The following TNFRSF21 variants were observed in gnomAD, a reference collection of about 807,000 sequenced individuals.
TNFRSF21 encodes TNF receptor superfamily member 21.
TNFRSF21 carries 19 observed loss-of-function variants against 45.6 expected under a neutral mutation model. The observed-to-expected ratio is 0.42, with a 90% CI of 0.29 to 0.61. The LOEUF is 0.61. TNFRSF21 is among the 20% of genes least tolerant of loss of function. The pLI is 0.23. For missense variants in TNFRSF21, 737 were observed against 851.5 expected (o/e 0.87, Z 1.67); for synonymous variants, 314 against 335.5 (o/e 0.94, Z 0.70).
chr6:47,309,455 G>A lies in TNFRSF21; in HGVS notation c.57C>T (p.Arg19=), dbSNP rs995436200. 4 of 1,535,080 alleles carry A rather than the reference G, an allele frequency of 2.6e-6. No individual in the cohort carries two copies. The African/African-American group carries it at 4.3e-5, about 16-fold the overall frequency. The change falls in exon 1 of 6, where the codon CGC becomes CGT. Residue 19 remains arginine, a synonymous_variant. Transcript: ENST00000296861. ...TALASCSRIA[R]RATATMIAGS... is the part of the protein sequence containing the mutation. ...CCGCGATCATCGTGGCTGTGGCTCGGCGGGCGATGCGGCTGCAGGAGGCGA... is the reference window on the plus strand; with the variant it reads ...CCGCGATCATCGTGGCTGTGGCTCGACGGGCGATGCGGCTGCAGGAGGCGA...
At chr6:47,294,734 T>G (rs1762772375) in intron 1 of TNFRSF21, among the ~76,000 whole-genome samples, 1 of 152,146 alleles carries the variant, frequency 6.6e-6, no homozygotes, top group Admixed American at 6.5e-5. Context: ...TCTCACTATG[T>G]TGCCCAGGCT....
At chr6:47,286,655 A>G in intron 1 of TNFRSF21, 60 bp from the exon 2 acceptor site, 3 of 1,517,644 alleles carry the variant, frequency 2.0e-6, no homozygotes, top group Non-Finnish European at 1.8e-6. Flanking sequence ...ACATAGGAGC[A>G]GAGCAGAAAA....
Position 47,309,786 on chromosome 6 carries a change from C to T in TNFRSF21, c.-275G>A. 1 of 380,418 alleles carries T rather than the reference C, an allele frequency of 2.6e-6. No homozygotes were observed. Among genetic ancestry groups the T allele is most frequent in the Non-Finnish European group, 4.7e-6 (1 of 214,138 alleles). 23.6% of individuals were successfully genotyped at this position (380,418 alleles called of 1,614,324 possible). A position where few individuals can be genotyped will look rare whatever the true frequency, so the allele number is the denominator to read the frequency against. ...TCCGGGTGCTCTCCTCCGACAGCGGCTGAGGAGAACCAGGGAGGAGGACTG... is the reference window on the plus strand; with the variant it reads ...TCCGGGTGCTCTCCTCCGACAGCGGTTGAGGAGAACCAGGGAGGAGGACTG... On this transcript the variant is annotated 5_prime_UTR_variant, in exon 1 of 6. Coordinates refer to ENST00000296861, the MANE Select transcript of TNFRSF21 (RefSeq NM_014452.5).
At chr6:47,263,138 C>T (rs1429020851) in intron 3 of TNFRSF21, among the ~76,000 whole-genome samples, 1 of 152,046 alleles carries the variant, frequency 6.6e-6, no homozygotes, top group Non-Finnish European at 1.5e-5. Flanking sequence ...ACAGGATTTA[C>T]TAATGAGCCA....
At chr6:47,271,973 T>A (rs886317572) in intron 3 of TNFRSF21, among the ~76,000 whole-genome samples, 26 of 152,236 alleles carry the variant, frequency 1.7e-4, no homozygotes, top group African/African-American at 5.8e-4. Context: ...TAACTATCCT[T>A]AATATATATG....
chr6:47,268,109 C>A (rs1256567517), intron 3 of TNFRSF21, among the ~76,000 whole-genome samples: 1 of 152,218 alleles, frequency 6.6e-6, no homozygotes, highest in South Asian at 2.1e-4. Flanking sequence ...TAGTTCCCAG[C>A]TCAGGATCCA....
chr6:47,234,384 C>A (rs1163042841), intron 5 of TNFRSF21, among the ~76,000 whole-genome samples: 1 of 152,214 alleles, frequency 6.6e-6, no homozygotes, highest in Non-Finnish European at 1.5e-5. Context: ...TTTTATCAGG[C>A]CTTCCCCGAA....
At chr6:47,249,294 A>G (rs1199450736) in intron 4 of TNFRSF21, among the ~76,000 whole-genome samples, 1 of 152,258 alleles carries the variant, frequency 6.6e-6, no homozygotes, top group African/African-American at 2.4e-5. Flanking sequence ...GTTATGTCAT[A>G]TAGATTTAAA....
At chr6:47,265,253 A>G (rs1401061297) in intron 3 of TNFRSF21, among the ~76,000 whole-genome samples, 1 of 152,220 alleles carries the variant, frequency 6.6e-6, no homozygotes, top group Non-Finnish European at 1.5e-5. Context: ...AACAAGTAGG[A>G]TATCTGAGTG....
At position 47,286,553 on chromosome 6, in the gene TNFRSF21, C is replaced by T; in HGVS notation, c.139G>A (p.Ala47Thr). The T allele has an allele frequency of 6.2e-7, 1 of 1,611,300 alleles. No homozygotes were observed. ...STTTAQPEQK[A>T]SNLIGTYRHV... ...CGGTATGTGCCAATGAGATTCGAGGCCTTCTGTTCTGGCTGAGCTGTGGTG... is the reference window on the plus strand; with the variant it reads ...CGGTATGTGCCAATGAGATTCGAGGTCTTCTGTTCTGGCTGAGCTGTGGTG... The change falls in exon 2 of 6, where the codon GCC (alanine) becomes ACC (threonine). Residue 47 changes from alanine (A) to threonine (T), a missense_variant. Coordinates refer to ENST00000296861, the MANE Select transcript of TNFRSF21 (RefSeq NM_014452.5).
intron 4 of TNFRSF21, among the ~76,000 whole-genome samples, chr6:47,244,193 G>A (rs1008584042): frequency 2.6e-5 from 4 of 151,900 alleles, no homozygotes; most frequent in Non-Finnish European, 4.4e-5. Context: ...GCGTGGTGGC[G>A]GGGACCTGTA....
chr6:47,254,630 A>T (rs774111168), intron 3 of TNFRSF21, among the ~76,000 whole-genome samples: 5 of 152,196 alleles, frequency 3.3e-5, no homozygotes, highest in African/African-American at 4.8e-5. Flanking sequence ...CTTTATATCA[A>T]CTAACAGTGT....
intron 1 of TNFRSF21, among the ~76,000 whole-genome samples, chr6:47,288,490 G>C (rs1024008237): frequency 1.3e-5 from 2 of 151,680 alleles, no homozygotes; most frequent in East Asian, 3.9e-4. Context: ...ACAGATCGTT[G>C]AGCTGTACAC....
Position 47,232,960 on chromosome 6 carries a change from C to G in TNFRSF21, c.1773G>C (p.Leu591=). The change falls in exon 6 of 6, where the codon CTG becomes CTC. Residue 591 remains leucine (L), a synonymous_variant. Coordinates refer to ENST00000296861, the MANE Select transcript of TNFRSF21 (RefSeq NM_014452.5). ...KKDTVLRQVR[L]DPCDLQPIFD... is the part of the protein sequence containing the mutation. ...AGATAGGCTGCAAGTCACAGGGGTC[C>G]AGGCGTACCTGCCGCAACACTGTGT... The G allele has an allele frequency of 6.2e-7, 1 of 1,614,166 alleles. No individual in the cohort carries two copies.
At chr6:47,301,969 C>G (rs1762870133) in intron 1 of TNFRSF21, among the ~76,000 whole-genome samples, 1 of 152,202 alleles carries the variant, frequency 6.6e-6, no homozygotes. Context: ...ACCCCCACCT[C>G]TCCTAATCCT....
intron 3 of TNFRSF21, among the ~76,000 whole-genome samples, chr6:47,254,442 G>A (rs1283136384): frequency 1.3e-5 from 2 of 152,228 alleles, no homozygotes; most frequent in Admixed American, 6.5e-5. Flanking sequence ...AAGCTAAACT[G>A]TGGATAAGGG....
intron 3 of TNFRSF21, among the ~76,000 whole-genome samples, chr6:47,258,985 G>A (rs1765030367): frequency 6.6e-6 from 1 of 152,212 alleles, no homozygotes; most frequent in African/African-American, 2.4e-5. Context: ...CCCACGGGCT[G>A]TAGTTCACCA....
chr6:47,298,861 C>G (rs1762824099), intron 1 of TNFRSF21, among the ~76,000 whole-genome samples: 1 of 152,210 alleles, frequency 6.6e-6, no homozygotes, highest in Non-Finnish European at 1.5e-5. Context: ...TCAATATTAA[C>G]CTACTGAGGG....
Position 47,309,398 on chromosome 6 carries a change from G to A in TNFRSF21, c.96+18C>T. The A allele has an allele frequency of 6.5e-7, 1 of 1,527,142 alleles. No individual in the cohort carries two copies. 94.6% of individuals were successfully genotyped at this position (1,527,142 alleles called of 1,614,324 possible). A position where few individuals can be genotyped will look rare whatever the true frequency, so the allele number is the denominator to read the frequency against. On this transcript the variant is annotated intron_variant, in intron 1 of 5. Coordinates refer to ENST00000296861, the MANE Select transcript of TNFRSF21 (RefSeq NM_014452.5). ...TGCTCCGGCGCCGCCGCCACCCCCG[G>A]TCCACGCAAGCGCTCACCAGGAGAA...
Sources: allele counts gnomAD v4.1 joint callset (sites outside exome capture counted in the v4.1 genomes callset), GRCh38; gene constraint gnomAD v4.1.1; transcripts MANE v1.5; gene names NCBI Gene and HGNC (gene_info 2026-07-23, HGNC 2026-07-21).